KCNH4: variants seen among roughly 807,000 people sequenced by gnomAD.
KCNH4 encodes potassium voltage-gated channel subfamily H member 4.
In KCNH4, 33 loss-of-function variants were observed where a neutral mutation model predicts 90.7. That is an observed-to-expected ratio of 0.36 (90% CI 0.28 to 0.49). The LOEUF (loss-of-function observed/expected upper bound fraction) is 0.49. KCNH4 is among the 20% of genes least tolerant of loss of function. The probability of loss-of-function intolerance (pLI) is 0.98; values close to 1 mark genes in which losing one functional copy is unlikely to be tolerated. For missense variants in KCNH4, 1,044 were observed against 1,387.1 expected (o/e 0.75, Z 3.93); for synonymous variants, 551 against 581.7 (o/e 0.95, Z 0.76).
At position 42,180,327 on chromosome 17, in the gene KCNH4, C is replaced by G. The variant is rs1054000224; in HGVS notation, c.76+543G>C. On this transcript the variant is annotated intron_variant, in intron 1 of 16. Transcript: ENST00000264661. The surrounding 1 kb of genome is among the most constrained non-coding windows in gnomAD (Gnocchi z 4.7). ...AACCTGAAACCCAAGCTACGTTGGG[C>G]GAGCTGGGAGTTCCCACCGTCGCAC... Among the ~76,000 whole-genome samples the G allele has an allele frequency of 6.6e-6, 1 of 152,072 alleles. No individual in the cohort carries two copies. The highest frequency in any genetic ancestry group is 6.6e-5 in the Admixed American group (1 of 15,262).
chr17:42,176,398 T>G, intron 4 of KCNH4, 101 bp from the exon 5 acceptor site: 2 of 1,112,562 alleles, frequency 1.8e-6, no homozygotes, highest in Non-Finnish European at 2.6e-6. Flanking sequence ...AGGTGGGCAC[T>G]GCAAGGGCAC....
intron 5 of KCNH4, 74 bp from the exon 6 acceptor site, chr17:42,175,810 T>C: frequency 6.4e-7 from 1 of 1,559,478 alleles, no homozygotes; most frequent in Non-Finnish European, 8.8e-7. Flanking sequence ...GGGAACAAGC[T>C]TTGGAGACTG....
rs1381065283 is a variant in KCNH4 at position 42,171,819 on chromosome 17, C to T, written c.1164G>A (p.Met388Ile). 1 of 1,614,020 alleles carries T rather than the reference C, an allele frequency of 6.2e-7. No individual in the cohort carries two copies. The highest frequency in any genetic ancestry group is 2.2e-5 in the East Asian group (1 of 44,888). The part of the protein sequence containing the change: ...CIWYVIGRRE[M>I]EANDPLLWDI... ...CCCAGAGCAGCGGGTCATTGGCCTCCATCTCCCGGCGCCCGATGACATACC... is the reference window on the plus strand; with the variant it reads ...CCCAGAGCAGCGGGTCATTGGCCTCTATCTCCCGGCGCCCGATGACATACC... The change falls in exon 7 of 17, where the codon ATG becomes ATA. Residue 388 changes from methionine (M) to isoleucine (I), a missense_variant. Met to Ile is a conservative substitution (Grantham distance 10). This residue lies in a region of KCNH4 where 318 missense variants were observed against 479.6 expected (regional missense o/e 0.66). Coordinates refer to ENST00000264661, the MANE Select transcript of KCNH4 (RefSeq NM_012285.3).
chr17:42,171,970 G>A lies in KCNH4; in HGVS notation c.1013C>T (p.Thr338Ile), dbSNP rs1185649729. The change falls in exon 7 of 17, where the codon ACA (threonine) becomes ATA (isoleucine). Residue 338 changes from threonine to isoleucine, a missense_variant. Coordinates refer to ENST00000264661, the MANE Select transcript of KCNH4 (RefSeq NM_012285.3). ...CCGCAGCAGCCGCAACAGCCGCACT[G>A]TCTTCAGTAGGTGCACCAGCGAGGT... Reference protein sequence around the residue: ...TVTSLVHLLKTVRLLRLLRLL... With the variant: ...TVTSLVHLLKIVRLLRLLRLL... The A allele has an allele frequency of 1.2e-6, 2 of 1,608,080 alleles. No homozygotes were observed. The highest frequency in any genetic ancestry group is 1.7e-5 in the Admixed American group (1 of 58,964).
rs529881811 is a variant in KCNH4, at chr17:42,175,831, C to T, written c.830-95G>A. Reference sequence around the variant, plus strand: ...AAGCTTTGGAGACTGGAGGAGGAGGCAGGCATGGAGAGATAGATTGGGCTT... The same window carrying T: ...AAGCTTTGGAGACTGGAGGAGGAGGTAGGCATGGAGAGATAGATTGGGCTT... On this transcript the variant is annotated intron_variant, in intron 5 of 16. Transcript: ENST00000264661. 97 of 1,475,106 alleles carry T rather than the reference C, an allele frequency of 6.6e-5. 1 individual carries two copies. Among genetic ancestry groups the T allele is most frequent in the South Asian group, 4.2e-4 (35 of 83,062 alleles). The allele number at this position is 1,475,106 out of a possible 1,614,324, so 91.4% of individuals were successfully genotyped here.
intron 14 of KCNH4, among the ~76,000 whole-genome samples, chr17:42,162,578 T>G (rs2079756551): frequency 6.6e-6 from 1 of 151,920 alleles, no homozygotes; most frequent in Admixed American, 6.6e-5. Flanking sequence ...CTGGTTTTCA[T>G]GCCTTTCAAC....
At chr17:42,166,882 C>T (rs2079791893) in intron 9 of KCNH4, among the ~76,000 whole-genome samples, 1 of 152,170 alleles carries the variant, frequency 6.6e-6, no homozygotes, top group South Asian at 2.1e-4. Context: ...GCTCCTAAGT[C>T]CCTGTGGACC....
Position 42,170,252 on chromosome 17 carries a change from G to T in KCNH4, c.1245C>A (p.Gly415=). 1.2e-6 allele frequency: 2 copies of T among 1,608,014 alleles called. No individual in the cohort carries two copies. Among genetic ancestry groups the T allele is most frequent in the East Asian group, 2.2e-5 (1 of 44,868 alleles). ...GKRLEVPYVN[G]SVGGPSRRSA... ...TGCGCCGTGATGGGCCGCCCACCGA[G>T]CCATTGACATAGGGCACCTCCAGAC... The change falls in exon 8 of 17, where the codon GGC becomes GGA. Residue 415 remains glycine, a synonymous_variant. Transcript: ENST00000264661.
In KCNH4 at chr17:42,166,539, C is replaced by T; in HGVS notation, c.1598G>A (p.Arg533His). 6.2e-7 allele frequency: 1 copy of T among 1,611,868 alleles called. No individual in the cohort carries two copies. Among genetic ancestry groups the T allele is most frequent in the East Asian group, 2.2e-5 (1 of 44,790 alleles). Residue 533 changes from arginine (R) to histidine (H), a missense_variant, in exon 10 of 17, where the codon CGT (arginine) becomes CAT (histidine). Arg to His is a conservative substitution (Grantham distance 29). Transcript: ENST00000264661. ...NSGIDANELL[R>H]DFPDELRADI... ...AGCTCTCAGCTCGTCTGGGAAGTCA[C>T]GCAGTAACTGCATAAGGGGCATAGG...
intron 16 of KCNH4, among the ~76,000 whole-genome samples, chr17:42,158,842 AT>A (rs962022626): frequency 2.8e-4 from 41 of 145,806 alleles, no homozygotes; most frequent in Admixed American, 7.3e-4. Flanking sequence ...CTATAAAAAA[AT>A]ATATATATAT....
intron 7 of KCNH4, among the ~76,000 whole-genome samples, chr17:42,171,159 T>TG (rs1269681562): frequency 7.4e-5 from 11 of 149,320 alleles, no homozygotes; most frequent in African/African-American, 1.7e-4. Context: ...ATGGTGGTTG[T>TG]GGGGGGGATG....
chr17:42,166,258 G>A, intron 10 of KCNH4, 39 bp downstream of exon 10: 1 of 1,552,176 alleles, frequency 6.4e-7, no homozygotes. Flanking sequence ...TGCGGGGGGT[G>A]GTTCCAGGGT....
Position 42,174,900 on chromosome 17 carries a change from C to A in KCNH4, c.987+679G>T, listed in dbSNP as rs564784638. The stretch of plus-strand genomic sequence containing the variant: ...CCCCAAATGCTTGCTGTCCTCATCT[C>A]CTTCCAGCTAAATCCTACTCACCCT... On this transcript the variant is annotated intron_variant, in intron 6 of 16. Transcript: ENST00000264661. 6.6e-5 allele frequency among the ~76,000 whole-genome samples: 10 copies of A among 152,288 alleles called. No individual in the cohort carries two copies. The South Asian group carries it at 2.1e-3, about 32-fold the overall frequency.
At position 42,178,615 on chromosome 17, in the gene KCNH4, G is replaced by A. The variant is rs192354421; in HGVS notation, c.311-138C>T. The A allele has an allele frequency of 3.6e-4, 452 of 1,241,714 alleles. 2 individuals carry two copies. In the East Asian group the frequency reaches 0.011, roughly 29 times the overall value. 76.9% of individuals were successfully genotyped at this position (1,241,714 alleles called of 1,614,324 possible). A position where few individuals can be genotyped will look rare whatever the true frequency, so the allele number is the denominator to read the frequency against. On this transcript the variant is annotated intron_variant, in intron 2 of 16. Coordinates refer to ENST00000264661, the MANE Select transcript of KCNH4 (RefSeq NM_012285.3). Reference sequence around the variant, plus strand: ...AAAAGGAACCTCAGAGATTCTGTCAGCCGATTCCTTCATCTTTCAAATGGG... The same window carrying A: ...AAAAGGAACCTCAGAGATTCTGTCAACCGATTCCTTCATCTTTCAAATGGG...
chr17:42,177,881 A>T (rs542907364), intron 4 of KCNH4, among the ~76,000 whole-genome samples: 5 of 152,204 alleles, frequency 3.3e-5, no homozygotes, highest in Non-Finnish European at 5.9e-5. Flanking sequence ...AGTAATGTCA[A>T]TCACCTAAGG....
At chr17:42,157,956 T>C (rs2144113955) in intron 16 of KCNH4, among the ~76,000 whole-genome samples, 1 of 152,024 alleles carries the variant, frequency 6.6e-6, no homozygotes, top group African/African-American at 2.4e-5. Context: ...GAGGTGGAGT[T>C]TCACTCTTAT....
chr17:42,161,559 C>A (rs147093112), intron 15 of KCNH4, among the ~76,000 whole-genome samples: 30 of 152,360 alleles, frequency 2.0e-4, no homozygotes, highest in African/African-American at 7.0e-4. Context: ...TCCCCCAGGC[C>A]TGAAGGCCTC....
Position 42,163,342 on chromosome 17 carries a change from C to T in KCNH4, c.2478-8G>A. The T allele has an allele frequency of 1.2e-6, 2 of 1,600,248 alleles. No homozygotes were observed. The highest frequency in any genetic ancestry group is 1.7e-6 in the Non-Finnish European group (2 of 1,167,700). ...TCAATGCCATCCACTATCCTGGGAA[C>T]AGGGCAGTGCTCATCAGCACCATGG... On this transcript the variant is annotated splice_polypyrimidine_tract_variant and splice_region_variant and intron_variant, in intron 13 of 16. Coordinates refer to ENST00000264661, the MANE Select transcript of KCNH4 (RefSeq NM_012285.3). This position sits in a 1 kb window ranked among gnomAD's most constrained non-coding sequence, Gnocchi z 5.4.
At chr17:42,176,408 C>G in intron 4 of KCNH4, 111 bp from the exon 5 acceptor site, 1 of 926,064 alleles carries the variant, frequency 1.1e-6, no homozygotes, top group Non-Finnish European at 1.6e-6. Flanking sequence ...TGCAAGGGCA[C>G]TTTTGACCAT....
Sources: allele counts gnomAD v4.1 joint callset (sites outside exome capture counted in the v4.1 genomes callset), GRCh38; gene constraint gnomAD v4.1.1; regional missense constraint gnomAD v4.1.1; non-coding constraint Gnocchi (gnomAD v3.1); transcripts MANE v1.5; gene names NCBI Gene and HGNC (gene_info 2026-07-23, HGNC 2026-07-21).